ITPR2: variants seen among roughly 807,000 people sequenced by gnomAD.
ITPR2 encodes the protein inositol 1,4,5-trisphosphate receptor type 2.
ITPR2 carries 207 observed loss-of-function variants against 317.1 expected under a neutral mutation model. The observed-to-expected ratio is 0.65, with a 90% CI of 0.58 to 0.73. The LOEUF (loss-of-function observed/expected upper bound fraction) is 0.73, where lower values mean the gene tolerates loss of function less well. Among genes scored for constraint, ITPR2 ranks in the 30% least tolerant of loss-of-function variants. The pLI, the probability that ITPR2 is intolerant of heterozygous loss-of-function variation, is 0.00. For synonymous variants in ITPR2, 1,156 were observed against 1,149.1 expected, an observed-to-expected ratio of 1.01 and a Z score of -0.12; for missense variants, 2,613 against 3,284.0, an observed-to-expected ratio of 0.80 and a Z score of 4.99.
At chr12:26,795,842 G>C (rs10771304) in intron 1 of ITPR2, among the ~76,000 whole-genome samples, 73,874 of 151,924 alleles carry the variant, frequency 0.49, 19,513 homozygotes, top group East Asian at 0.93. Flanking sequence ...AAAATTAGCA[G>C]GGCGTGGTGG....
At chr12:26,817,986 T>G (rs934962798) in intron 1 of ITPR2, among the ~76,000 whole-genome samples, 1 of 152,170 alleles carries the variant, frequency 6.6e-6, no homozygotes, top group Admixed American at 6.5e-5. Context: ...ACCCACAAAC[T>G]CAATTACTTC....
intron 2 of ITPR2, among the ~76,000 whole-genome samples, chr12:26,734,425 C>A (rs1949081975): frequency 2.0e-5 from 3 of 152,068 alleles, no homozygotes; most frequent in Admixed American, 2.0e-4. Context: ...AGAGACAATC[C>A]AAACACCTGT....
rs1940500473 is a variant in ITPR2, at chr12:26,410,269, C to T, written c.7399+1051G>A. Among the ~76,000 whole-genome samples the T allele has an allele frequency of 2.6e-5, 4 of 152,130 alleles. No individual in the cohort carries two copies. In the South Asian group the frequency reaches 8.3e-4, roughly 32 times the overall value. ...TGTGAGCCTTGACTGGGAGAGCAGG[C>T]GGCAGGGGAGAGAAGTGCTGGTGAC... On this transcript the variant is annotated intron_variant, in intron 52 of 56. Coordinates refer to ENST00000381340, the MANE Select transcript of ITPR2 (RefSeq NM_002223.4).
intron 25 of ITPR2, among the ~76,000 whole-genome samples, chr12:26,621,716 C>A (rs1277465966): frequency 1.3e-5 from 2 of 151,994 alleles, no homozygotes; most frequent in Non-Finnish European, 2.9e-5. Flanking sequence ...TGTAAAACTG[C>A]CTAAATGATC....
rs570588561 is a variant in ITPR2 at position 26,795,768 on chromosome 12, G to A, written c.93-5541C>T. On this transcript the variant is annotated intron_variant, in intron 1 of 56. Coordinates refer to ENST00000381340, the MANE Select transcript of ITPR2 (RefSeq NM_002223.4). Reference sequence around the variant, plus strand: ...GGAGGCTGAGGTGGGCAGATCATCCGAGGTCAGGAGTTCAAGACCAGCATG... The same window carrying A: ...GGAGGCTGAGGTGGGCAGATCATCCAAGGTCAGGAGTTCAAGACCAGCATG... Among the ~76,000 whole-genome samples the A allele has an allele frequency of 3.9e-5, 6 of 152,278 alleles. No individual in the cohort carries two copies. In the East Asian group the frequency reaches 7.7e-4, roughly 20 times the overall value.
intron 32 of ITPR2, among the ~76,000 whole-genome samples, chr12:26,586,413 C>T (rs896127941): frequency 6.6e-6 from 1 of 152,154 alleles, no homozygotes; most frequent in Non-Finnish European, 1.5e-5. Flanking sequence ...ACTGGGTTTA[C>T]AAGTGTGAGG....
chr12:26,339,883 C>A (rs184566905), intron 56 of ITPR2, among the ~76,000 whole-genome samples: 339 of 152,194 alleles, frequency 2.2e-3, no homozygotes, highest in South Asian at 0.011. Context: ...ACTATCATGG[C>A]AGAAAATGAT....
intron 22 of ITPR2, among the ~76,000 whole-genome samples, chr12:26,628,910 A>C (rs974121344): frequency 6.6e-6 from 1 of 152,312 alleles, no homozygotes. Context: ...AAGAAGAAAA[A>C]GCTGGGATGT....
intron 26 of ITPR2, among the ~76,000 whole-genome samples, chr12:26,612,243 A>AT (rs77518785): frequency 6.6e-6 from 1 of 151,970 alleles, no homozygotes; most frequent in Non-Finnish European, 1.5e-5. Context: ...TATTGGAGAT[A>AT]TTTTTTATTC....
chr12:26,569,612 G>C (rs147502312), intron 34 of ITPR2, among the ~76,000 whole-genome samples: 1 of 150,744 alleles, frequency 6.6e-6, no homozygotes, highest in Non-Finnish European at 1.5e-5. Context: ...TATAGGCAAA[G>C]AGATCATTTT....
At chr12:26,344,401 G>T (rs1420833251) in intron 55 of ITPR2, among the ~76,000 whole-genome samples, 3 of 152,158 alleles carry the variant, frequency 2.0e-5, no homozygotes, top group Non-Finnish European at 4.4e-5. Flanking sequence ...GGAATGTGAG[G>T]GATGGTGAAA....
At chr12:26,666,186 A>C (rs1004746250) in intron 13 of ITPR2, 135 bp from the exon 14 acceptor site, 6 of 310,694 alleles carry the variant, frequency 1.9e-5, no homozygotes, top group Non-Finnish European at 3.2e-5. Flanking sequence ...TTTCTTCAGG[A>C]GTGGAACTCA....
intron 52 of ITPR2, among the ~76,000 whole-genome samples, chr12:26,404,173 G>A (rs75787167): frequency 0.037 from 5,574 of 152,260 alleles, 301 homozygotes; most frequent in African/African-American, 0.13. Flanking sequence ...AAGAGGCAAA[G>A]GATGAATGAA....
At chr12:26,617,323 C>T (rs762979602) in intron 26 of ITPR2, among the ~76,000 whole-genome samples, 6 of 152,060 alleles carry the variant, frequency 3.9e-5, no homozygotes, top group African/African-American at 7.2e-5. Flanking sequence ...CCAATAAATT[C>T]GAAGATTTCA....
intron 1 of ITPR2, among the ~76,000 whole-genome samples, chr12:26,820,501 T>C (rs369524602): frequency 6.6e-6 from 1 of 152,158 alleles, no homozygotes; most frequent in Admixed American, 6.5e-5. Context: ...TAATAAATTA[T>C]ATTGTATGTA....
At position 26,398,014 on chromosome 12, in the gene ITPR2, G is replaced by A. The variant is rs187247042; in HGVS notation, c.7696+862C>T. Reference sequence around the variant, plus strand: ...GGCAATGAGAAGGAAGGAGAAGGCTGTGTGCACTAGGAGAGATGATGACAG... The same window carrying A: ...GGCAATGAGAAGGAAGGAGAAGGCTATGTGCACTAGGAGAGATGATGACAG... On this transcript the variant is annotated intron_variant, in intron 54 of 56. Coordinates refer to ENST00000381340, the MANE Select transcript of ITPR2 (RefSeq NM_002223.4). Among the ~76,000 whole-genome samples, 86 of 151,640 alleles carry A rather than the reference G, an allele frequency of 5.7e-4. 1 individual carries two copies. Among genetic ancestry groups the A allele is most frequent in the African/African-American group, 2.0e-3 (82 of 41,266 alleles).
At chr12:26,670,367 T>A (rs1285414099) in intron 13 of ITPR2, among the ~76,000 whole-genome samples, 1 of 151,998 alleles carries the variant, frequency 6.6e-6, no homozygotes, top group Non-Finnish European at 1.5e-5. Flanking sequence ...AGAGGAACGA[T>A]CAGACAGCAG....
chr12:26,355,618 C>G (rs567595330), intron 55 of ITPR2, among the ~76,000 whole-genome samples: 8 of 152,262 alleles, frequency 5.3e-5, no homozygotes, highest in African/African-American at 1.9e-4. Flanking sequence ...CTGGCCACTC[C>G]CATTTCATTA....
intron 55 of ITPR2, among the ~76,000 whole-genome samples, chr12:26,363,432 C>A (rs1008658525): frequency 6.6e-6 from 1 of 152,182 alleles, no homozygotes; most frequent in Admixed American, 6.5e-5. Flanking sequence ...CTTGAATCAT[C>A]CCCAAACCAT....
Sources: allele counts gnomAD v4.1 joint callset (sites outside exome capture counted in the v4.1 genomes callset), GRCh38; gene constraint gnomAD v4.1.1; transcripts MANE v1.5; gene names NCBI Gene and HGNC (gene_info 2026-07-23, HGNC 2026-07-21).